PCM1: variants seen among roughly 807,000 people sequenced by gnomAD.
PCM1 encodes the protein pericentriolar material 1 protein.
A neutral mutation model predicts 241.9 loss-of-function variants in PCM1; 157 were observed. That is an observed-to-expected ratio of 0.65 (90% CI 0.57 to 0.74). The LOEUF (loss-of-function observed/expected upper bound fraction) is 0.74, where lower values mean the gene tolerates loss of function less well. PCM1 is among the 30% of genes least tolerant of loss of function. PCM1 has a pLI of 0.00. For missense variants in PCM1, 3,478 were observed against 2,360.1 expected, an observed-to-expected ratio of 1.47 and a Z score of -9.81; for synonymous variants, 1,085 against 784.9, an observed-to-expected ratio of 1.38 and a Z score of -6.39.
intron 28 of PCM1, among the ~76,000 whole-genome samples, chr8:17,992,870 G>C (rs948611009): frequency 6.6e-6 from 1 of 150,636 alleles, no homozygotes; most frequent in South Asian, 2.1e-4. Context: ...GCCCACCTCA[G>C]CCTCCCAATG....
intron 2 of PCM1, among the ~76,000 whole-genome samples, chr8:17,928,108 T>G (rs1454800765): frequency 6.6e-6 from 1 of 152,220 alleles, no homozygotes; most frequent in African/African-American, 2.4e-5. Context: ...CATCAATCAC[T>G]TCTACCAATT....
chr8:18,003,160 C>T (rs533630960), intron 29 of PCM1, among the ~76,000 whole-genome samples: 2 of 152,316 alleles, frequency 1.3e-5, no homozygotes, highest in African/African-American at 2.4e-5. Context: ...ATACAAGATC[C>T]ATGACATCTG....
Position 18,027,895 on chromosome 8 carries a change from T to G in PCM1, c.*233T>G, listed in dbSNP as rs1321090873. 2 of 352,264 alleles carry G rather than the reference T, an allele frequency of 5.7e-6. No individual in the cohort carries two copies. Among genetic ancestry groups the G allele is most frequent in the Non-Finnish European group, 5.1e-6 (1 of 194,344 alleles). 21.8% of individuals were successfully genotyped at this position (352,264 alleles called of 1,614,324 possible). The stretch of plus-strand genomic sequence containing the variant: ...TTTTTTCCCCCTTCTTTTTTGGGTC[T>G]TCATTTTTTTCCCCATTGTGATGTT... On this transcript the variant is annotated 3_prime_UTR_variant, in exon 39 of 39. Transcript: ENST00000325083.
Position 17,952,340 on chromosome 8 carries a change from G to T in PCM1, c.1072-630G>T, listed in dbSNP as rs563002891. Among the ~76,000 whole-genome samples the T allele has an allele frequency of 8.1e-4, 123 of 152,268 alleles. 1 individual carries two copies. Among genetic ancestry groups the T allele is most frequent in the African/African-American group, 2.8e-3 (117 of 41,564 alleles). On this transcript the variant is annotated intron_variant, in intron 8 of 38. Transcript: ENST00000325083. ...TTACAGTGGTAGTTCTAGAAAGAAG[G>T]CAAGAGAGAGAATGAGATTTTTGAA...
At chr8:17,947,483 A>G in intron 7 of PCM1, 120 bp downstream of exon 7, 1 of 742,696 alleles carries the variant, frequency 1.3e-6, no homozygotes, top group African/African-American at 1.8e-5. Context: ...AGAAACCTTC[A>G]TATGAGGCTT....
intron 11 of PCM1, among the ~76,000 whole-genome samples, 183 bp from the exon 12 acceptor site, chr8:17,957,081 C>T (rs1473473727): frequency 6.6e-6 from 1 of 152,010 alleles, no homozygotes; most frequent in African/African-American, 2.4e-5. Context: ...AGATGTTTTT[C>T]TACTTAAATA....
At chr8:17,992,679 C>T (rs914987009) in intron 28 of PCM1, among the ~76,000 whole-genome samples, 1 of 148,966 alleles carries the variant, frequency 6.7e-6, no homozygotes, top group African/African-American at 2.5e-5. Flanking sequence ...TGCAGTGGCA[C>T]AATCTCAGCT....
At chr8:17,978,109 A>T (rs2079394889) in intron 23 of PCM1, among the ~76,000 whole-genome samples, 1 of 152,214 alleles carries the variant, frequency 6.6e-6, no homozygotes, top group Non-Finnish European at 1.5e-5. Flanking sequence ...CTAGAAAAAA[A>T]TGACATTAAG....
intron 38 of PCM1, 25 bp from the exon 39 acceptor site, chr8:18,027,612 A>G (rs759383471): frequency 2.6e-6 from 4 of 1,541,318 alleles, no homozygotes; most frequent in Non-Finnish European, 3.6e-6. Context: ...AGTAATTTAT[A>G]AAGCATTTTT....
intron 34 of PCM1, among the ~76,000 whole-genome samples, chr8:18,013,084 C>G (rs571345937): frequency 5.9e-5 from 9 of 152,256 alleles, no homozygotes; most frequent in African/African-American, 2.2e-4. Context: ...CTACAAACTT[C>G]TAAATGTTAG....
At chr8:17,979,520 C>A (rs2079957610) in intron 23 of PCM1, among the ~76,000 whole-genome samples, 1 of 152,068 alleles carries the variant, frequency 6.6e-6, no homozygotes, top group Non-Finnish European at 1.5e-5. Context: ...TGGAGAGGAA[C>A]GCTCTTCTCA....
At chr8:17,949,475 ATAAC>A (rs997786805) in intron 7 of PCM1, among the ~76,000 whole-genome samples, 3 of 151,644 alleles carry the variant, frequency 2.0e-5, no homozygotes, top group Non-Finnish European at 4.4e-5. Context: ...GAAGCAATTT[ATAAC>A]TAATTGTCTT....
intron 8 of PCM1, among the ~76,000 whole-genome samples, chr8:17,952,097 C>T (rs2066245964): frequency 6.6e-6 from 1 of 151,962 alleles, no homozygotes; most frequent in Non-Finnish European, 1.5e-5. Context: ...GAGGCATGCA[C>T]CTGTAATCTC....
chr8:17,965,637 A>G (rs2129469479), intron 18 of PCM1, among the ~76,000 whole-genome samples: 1 of 152,354 alleles, frequency 6.6e-6, no homozygotes, highest in South Asian at 2.1e-4. Context: ...CTTCATGAAT[A>G]ACAGATGGTG....
intron 18 of PCM1, among the ~76,000 whole-genome samples, chr8:17,965,586 G>C (rs1263444616): frequency 6.6e-6 from 1 of 152,180 alleles, no homozygotes; most frequent in Non-Finnish European, 1.5e-5. Context: ...TGCCAACAAA[G>C]ATGTTATTAC....
In PCM1 at chr8:17,956,650, G is replaced by C; in HGVS notation, c.1519G>C (p.Val507Leu). The C allele has an allele frequency of 6.2e-7, 1 of 1,602,650 alleles. No homozygotes were observed. The highest frequency in any genetic ancestry group is 8.5e-7 in the Non-Finnish European group (1 of 1,172,894). ...RKRLNELREL[V>L]HYYEQTSDMM... ...GAGATTGAATGAGCTAAGAGAATTA[G>C]TTCATTATTATGAACAAACGTCAGA... The change falls in exon 11 of 39, where the codon GTT becomes CTT. Residue 507 changes from valine to leucine, a missense_variant. Physicochemically the swap from Val to Leu is conservative, Grantham distance 32. Transcript: ENST00000325083.
intron 36 of PCM1, among the ~76,000 whole-genome samples, chr8:18,022,252 C>G (rs1242998584): frequency 2.0e-4 from 31 of 152,158 alleles, no homozygotes; most frequent in Non-Finnish European, 1.5e-5. Flanking sequence ...AAGTAAACAA[C>G]TTACCACCAC....
chr8:18,029,946 C>A lies in PCM1; in HGVS notation c.*2284C>A, dbSNP rs973097454. On this transcript the variant is annotated 3_prime_UTR_variant, in exon 39 of 39. Coordinates refer to ENST00000325083, the MANE Select transcript of PCM1 (RefSeq NM_006197.4). The stretch of plus-strand genomic sequence containing the variant: ...TGTTAATAAATATATATCCTGTATA[C>A]AACCCTGAATTGTATTTTCTTTTAA... The A allele has an allele frequency of 1.1e-5, 2 of 181,976 alleles. No homozygotes were observed. Among genetic ancestry groups the A allele is most frequent in the Non-Finnish European group, 2.3e-5 (2 of 85,432 alleles). The allele number at this position is 181,976 out of a possible 1,614,324, so 11.3% of individuals were successfully genotyped here.
At chr8:17,963,368 TCTC>T in intron 17 of PCM1, 77 bp downstream of exon 17, 1 of 1,015,618 alleles carries the variant, frequency 9.8e-7, no homozygotes, top group Non-Finnish European at 1.5e-6. Context: ...CAGCCACATT[TCTC>T]CTCTACATCA....
Sources: gnomAD v4.1 joint callset for allele counts (sites outside exome capture counted in the v4.1 genomes callset) on GRCh38, gnomAD v4.1.1 for gene constraint, MANE v1.5 for transcripts, NCBI Gene and HGNC (gene_info 2026-07-23, HGNC 2026-07-21) for gene names.